RFX7: variants seen among roughly 807,000 people sequenced by gnomAD.
The protein encoded by RFX7 is DNA-binding protein RFX7.
RFX7 carries 26 observed loss-of-function variants against 111.8 expected under a neutral mutation model. That is an observed-to-expected ratio of 0.23 (90% CI 0.17 to 0.32). The LOEUF (loss-of-function observed/expected upper bound fraction) is 0.32, where lower values mean the gene tolerates loss of function less well. Ranked by LOEUF, RFX7 falls within the 10% of genes least tolerant of loss-of-function variation. The pLI is 1.00. For missense variants in RFX7, 1,573 were observed against 1,772.9 expected, an observed-to-expected ratio of 0.89 and a Z score of 2.02; for synonymous variants, 624 against 624.4, an observed-to-expected ratio of 1.00 and a Z score of 0.01.
At chr15:56,125,894 C>G (rs2042138625) in intron 5 of RFX7, among the ~76,000 whole-genome samples, 1 of 152,116 alleles carries the variant, frequency 6.6e-6, no homozygotes, top group African/African-American at 2.4e-5. Context: ...AGTCCTCCTT[C>G]CCCTGAAAAA....
Position 56,092,960 on chromosome 15 carries a change from GATA to G in RFX7, c.*382_*384del, listed in dbSNP as rs2041615932. On this transcript the variant is annotated 3_prime_UTR_variant, in exon 10 of 10. Transcript: ENST00000559447. The stretch of plus-strand genomic sequence containing the variant: ...CCTAGCTATGATTTTATATCTAAAA[GATA>G]ATGCCAACAACAAAACAGCCTATAC... The G allele has an allele frequency of 6.1e-6, 1 of 164,938 alleles. No individual in the cohort carries two copies. Among genetic ancestry groups the G allele is most frequent in the Non-Finnish European group, 1.3e-5 (1 of 75,542 alleles). The allele number at this position is 164,938 out of a possible 1,614,324, so 10.2% of individuals were successfully genotyped here.
chr15:56,185,459 T>G (rs898640019), intron 2 of RFX7, among the ~76,000 whole-genome samples: 11 of 152,188 alleles, frequency 7.2e-5, no homozygotes, highest in African/African-American at 1.2e-4. Context: ...TCATTGCCAT[T>G]TTATCTACCA....
rs1350352925 is a variant in RFX7, at chr15:56,111,205, A to AG, written c.402-7536dup. Among the ~76,000 whole-genome samples, 4 of 145,544 alleles carry AG rather than the reference A, an allele frequency of 2.7e-5. No homozygotes were observed. In the East Asian group the frequency reaches 8.7e-4, roughly 32 times the overall value. On this transcript the variant is annotated intron_variant, in intron 5 of 9. Coordinates refer to ENST00000559447, the MANE Select transcript of RFX7 (RefSeq NM_022841.7). ...ACAATGGCGGTTTTGTGGAATAGAA[A>AG]GGGGGGAAAGGTGGGGAAAAGATTG...
In RFX7 at chr15:56,093,848, G is replaced by A; in HGVS notation, c.3880C>T (p.Pro1294Ser). Residue 1294 changes from proline to serine, a missense_variant, in exon 10 of 10, where the codon CCT (proline) becomes TCT (serine). Coordinates refer to ENST00000559447, the MANE Select transcript of RFX7 (RefSeq NM_022841.7). ...TQILEPSTVFPSANPQNMIDS... is the reference protein window; with the variant it reads ...TQILEPSTVFSSANPQNMIDS... ...ATCATATTTTGTGGGTTGGCACTAG[G>A]AAAAACAGTGGAAGGTTCCAAAATC... is the stretch of plus-strand genomic sequence containing the variant. 6.2e-7 allele frequency: 1 copy of A among 1,613,934 alleles called. No individual in the cohort carries two copies. The highest frequency in any genetic ancestry group is 8.5e-7 in the Non-Finnish European group (1 of 1,179,862).
At chr15:56,206,976 C>G (rs549944005) in intron 2 of RFX7, among the ~76,000 whole-genome samples, 1 of 151,898 alleles carries the variant, frequency 6.6e-6, no homozygotes, top group East Asian at 1.9e-4. Context: ...TAAAAAATAA[C>G]TGAACATTTA....
At chr15:56,115,041 C>T (rs1487116382) in intron 5 of RFX7, among the ~76,000 whole-genome samples, 2 of 152,126 alleles carry the variant, frequency 1.3e-5, no homozygotes, top group Non-Finnish European at 2.9e-5. Flanking sequence ...GACAGAGTCT[C>T]GCTCTGTTGC....
chr15:56,141,100 C>G (rs540115946), intron 5 of RFX7, among the ~76,000 whole-genome samples: 1 of 152,232 alleles, frequency 6.6e-6, no homozygotes, highest in Non-Finnish European at 1.5e-5. Flanking sequence ...AGTCCTTTAA[C>G]ATTCCCTACT....
At chr15:56,222,262 T>A (rs565494603) in intron 2 of RFX7, among the ~76,000 whole-genome samples, 1 of 152,330 alleles carries the variant, frequency 6.6e-6, no homozygotes, top group East Asian at 1.9e-4. Flanking sequence ...ATCACGTATC[T>A]TCCCCATTCC....
At chr15:56,122,288 C>T (rs1442542904) in intron 5 of RFX7, among the ~76,000 whole-genome samples, 1 of 152,054 alleles carries the variant, frequency 6.6e-6, no homozygotes, top group Non-Finnish European at 1.5e-5. Flanking sequence ...ACAGAGGTAC[C>T]ACCTTGATGG....
At chr15:56,128,787 T>A (rs866194217) in intron 5 of RFX7, among the ~76,000 whole-genome samples, 33 of 152,012 alleles carry the variant, frequency 2.2e-4, no homozygotes, top group Admixed American at 8.5e-4. Context: ...TATTTTCAGA[T>A]GAAATAGATA....
At chr15:56,172,238 G>A (rs1294665481) in intron 3 of RFX7, among the ~76,000 whole-genome samples, 1 of 151,938 alleles carries the variant, frequency 6.6e-6, no homozygotes, top group African/African-American at 2.4e-5. Flanking sequence ...TTTGTTACTG[G>A]GGTTCAAAAC....
chr15:56,099,532 C>T (rs1175770761), intron 8 of RFX7, among the ~76,000 whole-genome samples: 1 of 152,094 alleles, frequency 6.6e-6, no homozygotes, highest in Non-Finnish European at 1.5e-5. Flanking sequence ...GCTGTCTTAT[C>T]CTTCCTGCCA....
intron 5 of RFX7, among the ~76,000 whole-genome samples, chr15:56,116,010 T>A (rs1269827398): frequency 6.6e-6 from 1 of 152,054 alleles, no homozygotes; most frequent in Admixed American, 6.5e-5. Context: ...AGTAACTACC[T>A]ATAGATTAAG....
chr15:56,196,813 T>G (rs1371250034), intron 2 of RFX7, among the ~76,000 whole-genome samples: 1 of 152,226 alleles, frequency 6.6e-6, no homozygotes, highest in Non-Finnish European at 1.5e-5. Flanking sequence ...AATGGGCTCT[T>G]AACGGTATTT....
intron 2 of RFX7, among the ~76,000 whole-genome samples, chr15:56,214,452 A>T (rs1156387554): frequency 6.6e-6 from 1 of 151,814 alleles, no homozygotes; most frequent in African/African-American, 2.4e-5. Context: ...GCGGTGGCTC[A>T]CGCCTGTAAT....
chr15:56,142,637 G>A (rs2042415935), intron 5 of RFX7, 141 bp downstream of exon 5: 1 of 712,728 alleles, frequency 1.4e-6, no homozygotes, highest in Non-Finnish European at 2.2e-6. Context: ...GCTTAGAGCT[G>A]GAATGAATCT....
chr15:56,114,823 A>G (rs1567013624), intron 5 of RFX7, among the ~76,000 whole-genome samples: 1 of 152,256 alleles, frequency 6.6e-6, no homozygotes, highest in East Asian at 1.9e-4. Flanking sequence ...TTCACAGGTT[A>G]AGAACCTTAA....
chr15:56,088,770 A>G lies in RFX7; in HGVS notation c.*4575T>C, dbSNP rs796494895. On this transcript the variant is annotated 3_prime_UTR_variant, in exon 10 of 10. Coordinates refer to ENST00000559447, the MANE Select transcript of RFX7 (RefSeq NM_022841.7). ...AGGCAACTTGCATTTGTGATACTCAATAATACCTGATTTTTCAGCTCATAG... is the reference window on the plus strand; with the variant it reads ...AGGCAACTTGCATTTGTGATACTCAGTAATACCTGATTTTTCAGCTCATAG... The G allele has an allele frequency of 1.3e-5, 2 of 152,184 alleles. No individual in the cohort carries two copies. The highest frequency in any genetic ancestry group is 4.8e-5 in the African/African-American group (2 of 41,452). 9.4% of individuals were successfully genotyped at this position (152,184 alleles called of 1,614,324 possible). A position where few individuals can be genotyped will look rare whatever the true frequency, so the allele number is the denominator to read the frequency against.
At chr15:56,113,345 T>C (rs2140945754) in intron 5 of RFX7, among the ~76,000 whole-genome samples, 1 of 152,314 alleles carries the variant, frequency 6.6e-6, no homozygotes, top group East Asian at 1.9e-4. Flanking sequence ...TCATGTCCTT[T>C]GCAGGGACAT....
Sources: allele counts gnomAD v4.1 joint callset (sites outside exome capture counted in the v4.1 genomes callset), GRCh38; gene constraint gnomAD v4.1.1; transcripts MANE v1.5; gene names NCBI Gene and HGNC (gene_info 2026-07-23, HGNC 2026-07-21).